Variants in ME1 observed in about 807,000 individuals in gnomAD.
ME1 encodes the protein malic enzyme 1.
ME1 carries 74 observed loss-of-function variants against 66.4 expected under a neutral mutation model. The observed-to-expected ratio is 1.11, with a 90% CI of 0.92 to 1.35. The LOEUF (loss-of-function observed/expected upper bound fraction) is 1.35, where lower values mean the gene tolerates loss of function less well. Ranked by LOEUF, ME1 falls within the 40% of genes most tolerant of loss-of-function variation. The pLI is 0.00. For missense variants in ME1, 750 were observed against 694.1 expected, an observed-to-expected ratio of 1.08 and a Z score of -0.90; for synonymous variants, 251 against 235.6, an observed-to-expected ratio of 1.07 and a Z score of -0.60.
chr6:83,237,279 GGAAGGAAGGAAGGAAAGAAAGAA>G (rs1262628122), intron 9 of ME1, among the ~76,000 whole-genome samples: 5 of 50,566 alleles, frequency 9.9e-5, no homozygotes, highest in African/African-American at 1.7e-4. Flanking sequence ...AAGAAAGAAA[GGAAGGAAGGAAGGAAAGAAAGAA>G]AAAGAAAGAA....
chr6:83,416,893 T>TAAA (rs34223363), intron 1 of ME1, among the ~76,000 whole-genome samples: 2 of 123,930 alleles, frequency 1.6e-5, no homozygotes, highest in Non-Finnish European at 3.4e-5. Context: ...GAGATTTGTC[T>TAAA]AAAAAAAAAA....
intron 3 of ME1, among the ~76,000 whole-genome samples, chr6:83,379,742 T>G (rs1769360824): frequency 6.6e-6 from 1 of 152,080 alleles, no homozygotes; most frequent in African/African-American, 2.4e-5. Context: ...TATGTTCCAA[T>G]GATAATTTCT....
intron 6 of ME1, among the ~76,000 whole-genome samples, chr6:83,282,145 T>C (rs1244859712): frequency 6.6e-6 from 1 of 152,020 alleles, no homozygotes. Flanking sequence ...ATGTAAACCT[T>C]AAAACCATAA....
chr6:83,340,253 C>T (rs1004108629), intron 5 of ME1, among the ~76,000 whole-genome samples: 8 of 151,926 alleles, frequency 5.3e-5, no homozygotes, highest in African/African-American at 1.9e-4. Flanking sequence ...AGTTATATCT[C>T]CTTTGTTTTA....
intron 1 of ME1, among the ~76,000 whole-genome samples, chr6:83,417,028 C>G (rs1477593470): frequency 2.0e-5 from 3 of 151,818 alleles, no homozygotes; most frequent in Non-Finnish European, 4.4e-5. Flanking sequence ...ATTACTGTAG[C>G]TTTAGATCTG....
chr6:83,292,775 T>C (rs1435597652), intron 6 of ME1, among the ~76,000 whole-genome samples: 1 of 152,222 alleles, frequency 6.6e-6, no homozygotes, highest in East Asian at 1.9e-4. Flanking sequence ...TGTGGTGGAC[T>C]CTGCCCAGTT....
chr6:83,304,271 G>T (rs1344168751), intron 6 of ME1, among the ~76,000 whole-genome samples: 1 of 152,124 alleles, frequency 6.6e-6, no homozygotes. Flanking sequence ...ATGTACCTGA[G>T]ATATGAGCTT....
intron 9 of ME1, 135 bp from the exon 10 acceptor site, chr6:83,229,066 T>C (rs1790251779): frequency 4.7e-6 from 3 of 641,456 alleles, no homozygotes; most frequent in Non-Finnish European, 8.2e-6. Flanking sequence ...TAAAATCTCT[T>C]CTTCAATTGT....
At chr6:83,256,980 G>T (rs1766784693) in intron 6 of ME1, among the ~76,000 whole-genome samples, 1 of 152,016 alleles carries the variant, frequency 6.6e-6, no homozygotes, top group South Asian at 2.1e-4. Context: ...TCATAAGTGG[G>T]AGCTGAACAA....
intron 6 of ME1, among the ~76,000 whole-genome samples, chr6:83,295,561 G>A (rs1023501327): frequency 4.6e-5 from 7 of 151,980 alleles, no homozygotes; most frequent in Non-Finnish European, 1.0e-4. Flanking sequence ...CCAGGCTGGA[G>A]TGCAATGGCG....
In ME1 at chr6:83,239,406, G is replaced by C; in HGVS notation, c.912+133C>G. 5 of 532,962 alleles carry C rather than the reference G, an allele frequency of 9.4e-6. No homozygotes were observed. In the South Asian group the frequency reaches 1.8e-4, roughly 20 times the overall value. The allele number at this position is 532,962 out of a possible 1,614,324, so 33.0% of individuals were successfully genotyped here. On this transcript the variant is annotated intron_variant, in intron 8 of 13. Coordinates refer to ENST00000369705, the MANE Select transcript of ME1 (RefSeq NM_002395.6). Reference sequence around the variant, plus strand: ...TTAATATGTCTCAGTACTTAATTTGGGAATCTTCCATAAAGCCTACAGTCA... The same window carrying C: ...TTAATATGTCTCAGTACTTAATTTGCGAATCTTCCATAAAGCCTACAGTCA...
intron 6 of ME1, among the ~76,000 whole-genome samples, chr6:83,265,384 C>T (rs1291580537): frequency 6.6e-6 from 1 of 152,076 alleles, no homozygotes; most frequent in Non-Finnish European, 1.5e-5. Flanking sequence ...GCAGCCTCAA[C>T]ATCCCAGGGT....
At chr6:83,303,924 G>A (rs1475228996) in intron 6 of ME1, among the ~76,000 whole-genome samples, 2 of 151,906 alleles carry the variant, frequency 1.3e-5, no homozygotes, top group Admixed American at 1.3e-4. Context: ...TATTTTCTTT[G>A]GGGACAATTC....
intron 7 of ME1, 123 bp downstream of exon 7, chr6:83,253,506 G>A: frequency 2.0e-6 from 1 of 511,402 alleles, no homozygotes; most frequent in Non-Finnish European, 3.5e-6. Context: ...TGTGACATCA[G>A]CAAGCATAAT....
intron 3 of ME1, among the ~76,000 whole-genome samples, chr6:83,357,957 A>C (rs1245677018): frequency 2.4e-3 from 277 of 116,486 alleles, no homozygotes; most frequent in African/African-American, 6.4e-3. Context: ...ATATATATAT[A>C]TATATATATA....
chr6:83,346,631 G>A (rs1019373249), intron 4 of ME1, among the ~76,000 whole-genome samples: 1 of 152,090 alleles, frequency 6.6e-6, no homozygotes, highest in Non-Finnish European at 1.5e-5. Flanking sequence ...TAAAGTATAG[G>A]GAAATAAGAG....
intron 6 of ME1, among the ~76,000 whole-genome samples, chr6:83,314,512 C>A (rs1767989179): frequency 6.6e-6 from 1 of 152,154 alleles, no homozygotes; most frequent in Non-Finnish European, 1.5e-5. Flanking sequence ...GTAGCTGAGA[C>A]AGTGACATCT....
intron 1 of ME1, among the ~76,000 whole-genome samples, chr6:83,423,872 G>T (rs567838978): frequency 3.5e-4 from 54 of 152,182 alleles, no homozygotes; most frequent in African/African-American, 1.2e-3. Flanking sequence ...ACTTTGGAAG[G>T]CCACAGTGGG....
At chr6:83,368,105 T>C (rs189535316) in intron 3 of ME1, among the ~76,000 whole-genome samples, 20 of 152,010 alleles carry the variant, frequency 1.3e-4, no homozygotes, top group East Asian at 5.8e-4. Flanking sequence ...AGTGGGGCAG[T>C]TGGAAAACAC....
Sources: allele counts gnomAD v4.1 joint callset (sites outside exome capture counted in the v4.1 genomes callset), GRCh38; gene constraint gnomAD v4.1.1; transcripts MANE v1.5; gene names NCBI Gene and HGNC (gene_info 2026-07-23, HGNC 2026-07-21).